Variants in DENND1A observed in about 807,000 individuals in gnomAD.
DENND1A encodes the protein DENN domain containing 1A.
A neutral mutation model predicts 113.7 loss-of-function variants in DENND1A; 51 were observed. The ratio of observed to expected loss-of-function variants is 0.45; its 90% CI spans 0.36 to 0.57. DENND1A has a LOEUF of 0.57. Ranked by LOEUF, DENND1A falls within the 20% of genes least tolerant of loss-of-function variation. The pLI, the probability that DENND1A is intolerant of heterozygous loss-of-function variation, is 0.00. For missense variants in DENND1A, 1,258 were observed against 1,395.9 expected (o/e 0.90, Z 1.57); for synonymous variants, 565 against 570.8 (o/e 0.99, Z 0.14).
At chr9:123,902,809 T>C (rs1851907007) in intron 1 of DENND1A, among the ~76,000 whole-genome samples, 1 of 150,964 alleles carries the variant, frequency 6.6e-6, no homozygotes, top group Non-Finnish European at 1.5e-5. Context: ...ACAGCTGTTT[T>C]TTTTTTTTTT....
At chr9:123,893,961 G>A (rs1381849949) in intron 1 of DENND1A, among the ~76,000 whole-genome samples, 1 of 152,172 alleles carries the variant, frequency 6.6e-6, no homozygotes, top group Non-Finnish European at 1.5e-5. Flanking sequence ...CCTCTCTGGA[G>A]GCTTCTCTCA....
Position 123,582,809 on chromosome 9 carries a change from C to T in DENND1A, c.867+360G>A, listed in dbSNP as rs141026282. Among the ~76,000 whole-genome samples, 752 of 152,316 alleles carry T rather than the reference C, an allele frequency of 4.9e-3. 5 individuals are homozygous for T. The highest frequency in any genetic ancestry group is 0.017 in the African/African-American group (727 of 41,560). ...CCACCTCCCGGGTTCAAGTGATTCTCCTGCCTCAGCTCCCGAGTAGCTGGG... is the reference window on the plus strand; with the variant it reads ...CCACCTCCCGGGTTCAAGTGATTCTTCTGCCTCAGCTCCCGAGTAGCTGGG... On this transcript the variant is annotated intron_variant, in intron 12 of 23. Transcript: ENST00000394215.
chr9:123,552,665 G>A (rs577226834), intron 13 of DENND1A, among the ~76,000 whole-genome samples: 30 of 152,362 alleles, frequency 2.0e-4, no homozygotes, highest in African/African-American at 4.8e-4. Context: ...CCTGCGTGGC[G>A]TTCACATACC....
chr9:123,709,607 T>TG (rs2066454725), intron 5 of DENND1A, among the ~76,000 whole-genome samples: 2 of 152,196 alleles, frequency 1.3e-5, no homozygotes, highest in Admixed American at 6.5e-5. Context: ...AGCTTGCTAC[T>TG]GCCTTGCTAT....
intron 2 of DENND1A, among the ~76,000 whole-genome samples, chr9:123,831,784 A>AC: frequency 6.6e-6 from 1 of 152,262 alleles, no homozygotes; most frequent in East Asian, 1.9e-4. Flanking sequence ...GGTGTTCAAG[A>AC]CCAGCCTGGC....
chr9:123,400,014 T>A (rs1485207974), intron 21 of DENND1A: 1 of 152,192 alleles, frequency 6.6e-6, no homozygotes, highest in African/African-American at 2.4e-5. Flanking sequence ...TCATGCAGGA[T>A]CCCTCCTACC....
chr9:123,438,918 T>A (rs2046723406), intron 19 of DENND1A, among the ~76,000 whole-genome samples: 1 of 152,218 alleles, frequency 6.6e-6, no homozygotes, highest in South Asian at 2.1e-4. Context: ...TTTAACACCA[T>A]GAAATCCCTC....
chr9:123,523,584 CTG>C (rs1352327374), intron 13 of DENND1A, among the ~76,000 whole-genome samples: 1 of 152,212 alleles, frequency 6.6e-6, no homozygotes, highest in Non-Finnish European at 1.5e-5. Context: ...AATTGAAAAA[CTG>C]TACTTTCATA....
rs2045306953 is a variant in DENND1A, at chr9:123,421,559, C to T, written c.1489-9730G>A. ...ACACAGAAAGGTTTGTCTTTGCAGCCGCCTGCATTTCACCAGGCCCGTGTC... is the reference window on the plus strand; with the variant it reads ...ACACAGAAAGGTTTGTCTTTGCAGCTGCCTGCATTTCACCAGGCCCGTGTC... On this transcript the variant is annotated intron_variant, in intron 19 of 23. Coordinates refer to ENST00000394215, the MANE Select transcript of DENND1A (RefSeq NM_001352964.2). Among the ~76,000 whole-genome samples, 3 of 152,154 alleles carry T rather than the reference C, an allele frequency of 2.0e-5. No individual in the cohort carries two copies. The South Asian group carries it at 6.2e-4, about 32-fold the overall frequency.
chr9:123,776,299 G>T (rs979073685), intron 3 of DENND1A, among the ~76,000 whole-genome samples: 1 of 152,084 alleles, frequency 6.6e-6, no homozygotes, highest in Non-Finnish European at 1.5e-5. Context: ...CCCAGTAACC[G>T]TATTAACGCA....
At chr9:123,752,675 G>A (rs2070158639) in intron 5 of DENND1A, among the ~76,000 whole-genome samples, 1 of 152,140 alleles carries the variant, frequency 6.6e-6, no homozygotes, top group Admixed American at 6.5e-5. Context: ...TTACAGTTTT[G>A]GCCTTGATGG....
chr9:123,535,534 A>G (rs544159246), intron 13 of DENND1A, among the ~76,000 whole-genome samples: 8 of 152,252 alleles, frequency 5.3e-5, no homozygotes, highest in Non-Finnish European at 1.0e-4. Context: ...TCTGTCTCCT[A>G]TGTTTCTCTC....
chr9:123,562,228 C>G (rs934639443), intron 12 of DENND1A, among the ~76,000 whole-genome samples: 1 of 152,208 alleles, frequency 6.6e-6, no homozygotes, highest in Non-Finnish European at 1.5e-5. Flanking sequence ...ACCTGCCCCA[C>G]TTAATGTTAA....
chr9:123,825,797 G>A (rs1043928449), intron 2 of DENND1A, among the ~76,000 whole-genome samples: 1 of 152,218 alleles, frequency 6.6e-6, no homozygotes, highest in Non-Finnish European at 1.5e-5. Flanking sequence ...CTCTTTCCTG[G>A]AGAAAATTAT....
chr9:123,809,430 T>C (rs538727157), intron 2 of DENND1A, among the ~76,000 whole-genome samples: 1 of 152,326 alleles, frequency 6.6e-6, no homozygotes, highest in South Asian at 2.1e-4. Flanking sequence ...TTACTGAGTT[T>C]TTTTGACTCT....
At chr9:123,744,995 C>T (rs28468603) in intron 5 of DENND1A, among the ~76,000 whole-genome samples, 20,782 of 151,912 alleles carry the variant, frequency 0.14, 1,719 homozygotes, top group African/African-American at 0.22. Context: ...AGGCTGGTCT[C>T]GAATTCCCGA....
At chr9:123,587,616 C>G (rs2059243249) in intron 11 of DENND1A, among the ~76,000 whole-genome samples, 1 of 152,200 alleles carries the variant, frequency 6.6e-6, no homozygotes, top group African/African-American at 2.4e-5. Flanking sequence ...TATTCCATTC[C>G]CAGAGCTATG....
At chr9:123,610,618 G>A (rs2060374731) in intron 10 of DENND1A, among the ~76,000 whole-genome samples, 1 of 152,228 alleles carries the variant, frequency 6.6e-6, no homozygotes, top group Admixed American at 6.5e-5. Flanking sequence ...TGTCTCTGTA[G>A]TATGGGATAT....
chr9:123,397,146 T>C (rs1261105814), intron 21 of DENND1A, among the ~76,000 whole-genome samples: 1 of 152,196 alleles, frequency 6.6e-6, no homozygotes, highest in Non-Finnish European at 1.5e-5. Context: ...ATGGGAGTTG[T>C]CAATAATTCC....
Sources: allele counts gnomAD v4.1 joint callset (sites outside exome capture counted in the v4.1 genomes callset), GRCh38; gene constraint gnomAD v4.1.1; transcripts MANE v1.5; gene names NCBI Gene and HGNC (gene_info 2026-07-23, HGNC 2026-07-21).